Variants in FAM135B observed in about 807,000 individuals in gnomAD.
FAM135B encodes the protein family with sequence similarity 135 member B, also known as protein FAM135B.
A neutral mutation model predicts 127.7 loss-of-function variants in FAM135B; 43 were observed. That is an observed-to-expected ratio of 0.34 (90% CI 0.26 to 0.43). The LOEUF (loss-of-function observed/expected upper bound fraction) is 0.43, where lower values mean the gene tolerates loss of function less well. Among genes scored for constraint, FAM135B ranks in the 20% least tolerant of loss-of-function variants. The pLI, the probability that FAM135B is intolerant of heterozygous loss-of-function variation, is 1.00. For synonymous variants in FAM135B, 670 were observed against 665.1 expected, an observed-to-expected ratio of 1.01 and a Z score of -0.11; for missense variants, 1,558 against 1,725.6, an observed-to-expected ratio of 0.90 and a Z score of 1.72.
At chr8:138,142,759 T>A in intron 16 of FAM135B, 1 of 373,408 alleles carries the variant, frequency 2.7e-6, no homozygotes, top group Non-Finnish European at 4.8e-6. Context: ...AACCTAGGAA[T>A]TTTTGTTTTA....
At chr8:138,234,486 G>A (rs1820125436) in intron 7 of FAM135B, among the ~76,000 whole-genome samples, 1 of 152,148 alleles carries the variant, frequency 6.6e-6, no homozygotes, top group African/African-American at 2.4e-5. Flanking sequence ...CAGTGAATGA[G>A]TGGATGAAGA....
intron 3 of FAM135B, among the ~76,000 whole-genome samples, chr8:138,273,848 T>C (rs1023599731): frequency 3.3e-5 from 5 of 152,106 alleles, no homozygotes; most frequent in African/African-American, 1.2e-4. Flanking sequence ...ATGGTCCCAA[T>C]TATTTTCTCC....
chr8:138,461,445 T>C (rs776933920), intron 1 of FAM135B, among the ~76,000 whole-genome samples: 2 of 152,190 alleles, frequency 1.3e-5, no homozygotes, highest in African/African-American at 4.8e-5. Context: ...CCCAGTGACA[T>C]GATGAAGGCA....
At chr8:138,271,664 C>T (rs1268643610) in intron 3 of FAM135B, among the ~76,000 whole-genome samples, 1 of 152,054 alleles carries the variant, frequency 6.6e-6, no homozygotes, top group East Asian at 1.9e-4. Context: ...AGTCAGAATG[C>T]CTTATATAGG....
rs1554698832 is a variant in FAM135B at position 138,457,990 on chromosome 8, AAGAG to A, written c.-20+38677_-20+38680del. On this transcript the variant is annotated intron_variant, in intron 1 of 19. Coordinates refer to ENST00000395297, the MANE Select transcript of FAM135B (RefSeq NM_015912.4). ...ACTCCATCTCAAAAAAAAAAAAAAA[AAGAG>A]AGAGAAAAAAACTTAGCTGGATGTG... Among the ~76,000 whole-genome samples the A allele has an allele frequency of 1.3e-4, 20 of 149,780 alleles. No homozygotes were observed. In the East Asian group the frequency reaches 2.1e-3, roughly 16 times the overall value.
At chr8:138,179,417 C>T (rs1814791709) in intron 9 of FAM135B, among the ~76,000 whole-genome samples, 1 of 152,170 alleles carries the variant, frequency 6.6e-6, no homozygotes, top group Non-Finnish European at 1.5e-5. Flanking sequence ...CTGCCAGATA[C>T]CCTTTGGTAG....
Position 138,176,954 on chromosome 8 carries a change from C to T in FAM135B, c.1103+393G>A, listed in dbSNP as rs116801940. Reference sequence around the variant, plus strand: ...CTAATTACGTAGTTCAGACTTAATTCTTATGCTGAATGCATTTCATAGCTA... The same window carrying T: ...CTAATTACGTAGTTCAGACTTAATTTTTATGCTGAATGCATTTCATAGCTA... On this transcript the variant is annotated intron_variant, in intron 11 of 19. Coordinates refer to ENST00000395297, the MANE Select transcript of FAM135B (RefSeq NM_015912.4). 6.2e-3 allele frequency among the ~76,000 whole-genome samples: 950 copies of T among 152,292 alleles called. 8 individuals carry two copies. Among genetic ancestry groups the T allele is most frequent in the African/African-American group, 0.02 (839 of 41,564 alleles).
At position 138,242,357 on chromosome 8, in the gene FAM135B, A is replaced by G. The variant is rs374761852; in HGVS notation, c.669+585T>C. ...AGCAGAATCATACCCTGTGTGGTTA[A>G]AGCCCTGCACATCACAGAAGAGCAG... is the stretch of plus-strand genomic sequence containing the variant. On this transcript the variant is annotated intron_variant, in intron 7 of 19. Coordinates refer to ENST00000395297, the MANE Select transcript of FAM135B (RefSeq NM_015912.4). The surrounding 1 kb of genome is among the most constrained non-coding windows in gnomAD (Gnocchi z 9.6). Among the ~76,000 whole-genome samples the G allele has an allele frequency of 3.3e-5, 5 of 152,080 alleles. No homozygotes were observed. The highest frequency in any genetic ancestry group is 1.2e-4 in the African/African-American group (5 of 41,398).
At chr8:138,390,804 G>A (rs531704136) in intron 1 of FAM135B, among the ~76,000 whole-genome samples, 17 of 152,128 alleles carry the variant, frequency 1.1e-4, no homozygotes, top group South Asian at 2.1e-4. Flanking sequence ...TTTCCATTTT[G>A]TCTCCTTCTG....
chr8:138,218,291 A>C (rs937311366), intron 7 of FAM135B, among the ~76,000 whole-genome samples: 2 of 152,224 alleles, frequency 1.3e-5, no homozygotes, highest in African/African-American at 2.4e-5. Context: ...AGGAGAAGGA[A>C]AAAGATGAGA....
intron 7 of FAM135B, among the ~76,000 whole-genome samples, chr8:138,229,604 T>C (rs1009532157): frequency 6.6e-6 from 1 of 152,172 alleles, no homozygotes; most frequent in Admixed American, 6.5e-5. Flanking sequence ...AGTCAGTGTT[T>C]CAGCCCTTCC....
intron 1 of FAM135B, among the ~76,000 whole-genome samples, chr8:138,417,647 A>G (rs1401585873): frequency 6.6e-6 from 1 of 152,178 alleles, no homozygotes; most frequent in Non-Finnish European, 1.5e-5. Context: ...GGCCAGAGAG[A>G]AAAAATATGC....
chr8:138,332,666 C>T (rs1828273001), intron 2 of FAM135B, among the ~76,000 whole-genome samples: 1 of 151,894 alleles, frequency 6.6e-6, no homozygotes, highest in South Asian at 2.1e-4. Flanking sequence ...GCGTGTGGTG[C>T]ATTTAGGGGG....
At chr8:138,276,261 C>T (rs765900748) in intron 3 of FAM135B, among the ~76,000 whole-genome samples, 4 of 152,098 alleles carry the variant, frequency 2.6e-5, no homozygotes, top group Non-Finnish European at 5.9e-5. Flanking sequence ...ATATGCTTCC[C>T]TAGGAGAACT....
chr8:138,179,354 C>T (rs1814786014), intron 9 of FAM135B, among the ~76,000 whole-genome samples: 1 of 152,230 alleles, frequency 6.6e-6, no homozygotes, highest in Non-Finnish European at 1.5e-5. Flanking sequence ...TCATCACTAT[C>T]TCCTATGTGT....
intron 11 of FAM135B, among the ~76,000 whole-genome samples, chr8:138,176,902 G>A (rs1814525214): frequency 6.6e-6 from 1 of 152,112 alleles, no homozygotes. Context: ...TCTGGAAGAA[G>A]GCAAACTTAG....
chr8:138,151,987 C>T lies in FAM135B; in HGVS notation c.2488G>A (p.Val830Met), dbSNP rs767851541. 1.3e-5 allele frequency: 21 copies of T among 1,613,972 alleles called. No homozygotes were observed. In the East Asian group the frequency reaches 3.3e-4, roughly 26 times the overall value. ...GTDAGADHPL[V>M]EIVLDADNQQ... ...TTGTCAGCATCTAAAACTATCTCCA[C>T]CAGGGGATGGTCTGCTCCAGCATCT... Residue 830 changes from valine to methionine, a missense_variant, in exon 13 of 20, where the codon GTG (valine) becomes ATG (methionine). This residue lies in a region of FAM135B where 923 missense variants were observed against 865.3 expected (regional missense o/e 1.07). Transcript: ENST00000395297.
At chr8:138,164,817 C>G (rs1342064176) in intron 12 of FAM135B, among the ~76,000 whole-genome samples, 1 of 152,218 alleles carries the variant, frequency 6.6e-6, no homozygotes. Context: ...GAGGCTGTGT[C>G]ACGGGTGCAT....
chr8:138,345,032 T>A (rs1034009969), intron 2 of FAM135B, among the ~76,000 whole-genome samples: 1 of 152,174 alleles, frequency 6.6e-6, no homozygotes, highest in Non-Finnish European at 1.5e-5. Flanking sequence ...GTCATAACCA[T>A]GAAAGCAGCA....
Sources: allele counts gnomAD v4.1 joint callset (sites outside exome capture counted in the v4.1 genomes callset), GRCh38; gene constraint gnomAD v4.1.1; regional missense constraint gnomAD v4.1.1; non-coding constraint Gnocchi (gnomAD v3.1); transcripts MANE v1.5; gene names NCBI Gene and HGNC (gene_info 2026-07-23, HGNC 2026-07-21).